Variants in MSRB2 observed in about 807,000 individuals in gnomAD.
The protein encoded by MSRB2 is methionine-R-sulfoxide reductase B2, mitochondrial.
A neutral mutation model predicts 19.0 loss-of-function variants in MSRB2; 17 were observed. That is an observed-to-expected ratio of 0.89 (90% CI 0.61 to 1.34). The LOEUF is 1.34. MSRB2 is among the 40% of genes most tolerant of loss of function. The pLI is 0.00. For missense variants in MSRB2, 208 were observed against 237.6 expected, an observed-to-expected ratio of 0.88 and a Z score of 0.82; for synonymous variants, 107 against 99.7, an observed-to-expected ratio of 1.07 and a Z score of -0.44.
intron 1 of MSRB2, among the ~76,000 whole-genome samples, chr10:23,099,227 G>C (rs1419716723): frequency 6.6e-6 from 1 of 152,192 alleles, no homozygotes; most frequent in Non-Finnish European, 1.5e-5. Flanking sequence ...ACCTCTTAAA[G>C]TGATACAGCC....
intron 3 of MSRB2, among the ~76,000 whole-genome samples, chr10:23,116,557 C>T (rs1840112274): frequency 6.6e-6 from 1 of 152,156 alleles, no homozygotes; most frequent in South Asian, 2.1e-4. Context: ...AAAGGTCTTT[C>T]AGGATATGAA....
chr10:23,101,229 A>G (rs747896312), intron 1 of MSRB2, among the ~76,000 whole-genome samples: 18 of 152,128 alleles, frequency 1.2e-4, no homozygotes, highest in Non-Finnish European at 2.2e-4. Flanking sequence ...CTCATAGCTC[A>G]GCTCCCACTT....
chr10:23,118,838 G>A (rs1023964644), intron 3 of MSRB2, among the ~76,000 whole-genome samples: 1 of 152,194 alleles, frequency 6.6e-6, no homozygotes, highest in Admixed American at 6.5e-5. Flanking sequence ...CTGGTCAGGC[G>A]TCTGTGTTGA....
chr10:23,120,771 T>C lies in MSRB2; in HGVS notation c.458T>C (p.Leu153Pro), dbSNP rs1036360483. The C allele has an allele frequency of 1.4e-5, 23 of 1,613,962 alleles. No individual in the cohort carries two copies. The highest frequency in any genetic ancestry group is 1.8e-5 in the Non-Finnish European group (21 of 1,179,876). ...EVVCKQCEAH[L>P]GHVFPDGPGP... Reference sequence around the variant, plus strand: ...TGTCCTTTGCAGTGTGAAGCTCATCTAGGTCACGTGTTTCCTGATGGACCT... The same window carrying C: ...TGTCCTTTGCAGTGTGAAGCTCATCCAGGTCACGTGTTTCCTGATGGACCT... The change falls in exon 5 of 5, where the codon CTA becomes CCA. Residue 153 changes from leucine to proline, a missense_variant. Transcript: ENST00000376510.
intron 3 of MSRB2, among the ~76,000 whole-genome samples, chr10:23,116,038 G>A (rs1464723665): frequency 6.6e-6 from 1 of 152,076 alleles, no homozygotes; most frequent in Non-Finnish European, 1.5e-5. Flanking sequence ...AATCCGACCT[G>A]AATATGCAGA....
In MSRB2 at chr10:23,096,348, C is replaced by CTGTGTGTGTGTGTGTGTGTGTGTG. The variant is rs1471780853; in HGVS notation, c.118+623_118+624insGTGTGTGTGTGTGTGTGTGTGTGT. On this transcript the variant is annotated intron_variant, in intron 1 of 4. Transcript: ENST00000376510. ...AGCCTGTGTGTGTGTGTCTCTCTCTCTCTCTGTGTGTGTGTGTGTGTGTGT... is the reference window on the plus strand; with the variant it reads ...AGCCTGTGTGTGTGTGTCTCTCTCTCTGTGTGTGTGTGTGTGTGTGTGTGTCTCTGTGTGTGTGTGTGTGTGTGT... 5.9e-3 allele frequency among the ~76,000 whole-genome samples: 342 copies of CTGTGTGTGTGTGTGTGTGTGTGTG among 58,422 alleles called. 1 individual carries two copies. The highest frequency in any genetic ancestry group is 0.025 in the African/African-American group (326 of 13,026). 38.3% of individuals were successfully genotyped at this position (58,422 alleles called of 152,430 possible).
intron 1 of MSRB2, among the ~76,000 whole-genome samples, chr10:23,096,056 C>T (rs949459440): frequency 2.6e-5 from 4 of 151,978 alleles, no homozygotes; most frequent in African/African-American, 7.2e-5. Flanking sequence ...GGACTCCAGG[C>T]GAAGGCCCGG....
intron 3 of MSRB2, among the ~76,000 whole-genome samples, chr10:23,111,526 A>T (rs1438700942): frequency 6.6e-6 from 1 of 152,024 alleles, no homozygotes; most frequent in Non-Finnish European, 1.5e-5. Flanking sequence ...CACAGTCTTC[A>T]CTCTTCCCCT....
At chr10:23,108,269 T>A (rs1840006111) in intron 2 of MSRB2, among the ~76,000 whole-genome samples, 1 of 151,480 alleles carries the variant, frequency 6.6e-6, no homozygotes, top group Admixed American at 6.6e-5. Context: ...TCACTGATGT[T>A]TTAATTTTTA....
At chr10:23,097,410 G>A (rs7067788) in intron 1 of MSRB2, among the ~76,000 whole-genome samples, 11,984 of 152,258 alleles carry the variant, frequency 0.079, 1,324 homozygotes, top group African/African-American at 0.24. Context: ...GAACAGATTT[G>A]GTTCCTGATG....
chr10:23,110,600 GC>G (rs1840040376), intron 3 of MSRB2, among the ~76,000 whole-genome samples: 1 of 149,310 alleles, frequency 6.7e-6, no homozygotes. Flanking sequence ...AACTCAGTGG[GC>G]CCCTTATGAT....
At chr10:23,099,028 G>A (rs975542465) in intron 1 of MSRB2, among the ~76,000 whole-genome samples, 1 of 152,156 alleles carries the variant, frequency 6.6e-6, no homozygotes, top group Non-Finnish European at 1.5e-5. Flanking sequence ...CCTCTTATGA[G>A]GACACCAGTC....
rs116911189 is a variant in MSRB2 at position 23,111,183 on chromosome 10, C to T, written c.296+865C>T. 5.1e-4 allele frequency among the ~76,000 whole-genome samples: 78 copies of T among 152,292 alleles called. 1 individual carries two copies. The highest frequency in any genetic ancestry group is 8.7e-4 in the Non-Finnish European group (59 of 68,026). The stretch of plus-strand genomic sequence containing the variant: ...CGGACCCGCCTGCAAGGATGAGGAG[C>T]GATTAGCATCGATTTTCCTCCGTGC... On this transcript the variant is annotated intron_variant, in intron 3 of 4. Coordinates refer to ENST00000376510, the MANE Select transcript of MSRB2 (RefSeq NM_012228.4).
intron 3 of MSRB2, among the ~76,000 whole-genome samples, chr10:23,112,430 A>G (rs1373585362): frequency 1.3e-5 from 2 of 152,304 alleles, no homozygotes; most frequent in East Asian, 3.9e-4. Flanking sequence ...TCTGTGTCTG[A>G]TTTCCTCACC....
intron 3 of MSRB2, among the ~76,000 whole-genome samples, chr10:23,118,332 T>C (rs945386766): frequency 1.2e-4 from 16 of 128,686 alleles, no homozygotes; most frequent in South Asian, 2.4e-4. Context: ...TTAGATTAGT[T>C]TTTTGTTTTT....
At chr10:23,109,117 G>A (rs1057349662) in intron 2 of MSRB2, among the ~76,000 whole-genome samples, 1 of 152,184 alleles carries the variant, frequency 6.6e-6, no homozygotes, top group Admixed American at 6.5e-5. Context: ...CTTTCCTCTG[G>A]CCCATAGGAG....
chr10:23,107,884 C>G (rs552574472), intron 2 of MSRB2, among the ~76,000 whole-genome samples: 1 of 152,128 alleles, frequency 6.6e-6, no homozygotes, highest in South Asian at 2.1e-4. Context: ...AGGGAAACAT[C>G]AGGAAGCTAG....
intron 1 of MSRB2, among the ~76,000 whole-genome samples, chr10:23,099,871 G>A (rs895633983): frequency 1.3e-5 from 2 of 152,244 alleles, no homozygotes; most frequent in South Asian, 4.1e-4. Flanking sequence ...AGCGAAAGAA[G>A]TACATGTTTT....
At chr10:23,113,979 T>C (rs1199773810) in intron 3 of MSRB2, among the ~76,000 whole-genome samples, 1 of 152,198 alleles carries the variant, frequency 6.6e-6, no homozygotes, top group Non-Finnish European at 1.5e-5. Flanking sequence ...AGATGCTCCA[T>C]AAGTACGTAT....
Sources: gnomAD v4.1 joint callset for allele counts (sites outside exome capture counted in the v4.1 genomes callset) on GRCh38, gnomAD v4.1.1 for gene constraint, MANE v1.5 for transcripts, NCBI Gene and HGNC (gene_info 2026-07-23, HGNC 2026-07-21) for gene names.